SRBD1: variants seen among roughly 807,000 people sequenced by gnomAD.
SRBD1 encodes the protein S1 RNA binding domain 1.
SRBD1 carries 88 observed loss-of-function variants against 115.3 expected under a neutral mutation model. That is an observed-to-expected ratio of 0.76 (90% CI 0.64 to 0.91). The LOEUF (loss-of-function observed/expected upper bound fraction) is 0.91. Among genes scored for constraint, SRBD1 ranks in the 40% least tolerant of loss-of-function variants. The pLI, the probability that SRBD1 is intolerant of heterozygous loss-of-function variation, is 0.00. For missense variants in SRBD1, 1,385 were observed against 1,177.4 expected, an observed-to-expected ratio of 1.18 and a Z score of -2.58; for synonymous variants, 509 against 407.7, an observed-to-expected ratio of 1.25 and a Z score of -2.99.
intron 14 of SRBD1, among the ~76,000 whole-genome samples, chr2:45,525,598 A>G (rs1558454559): frequency 6.6e-6 from 1 of 152,054 alleles, no homozygotes; most frequent in Non-Finnish European, 1.5e-5. Flanking sequence ...TGTTCTTACT[A>G]TAAAAATATG....
intron 1 of SRBD1, among the ~76,000 whole-genome samples, chr2:45,607,624 T>G (rs1414426307): frequency 6.6e-6 from 1 of 151,738 alleles, no homozygotes; most frequent in East Asian, 1.9e-4. Context: ...CCTGCAGTAT[T>G]CTAAAAAAAA....
intron 14 of SRBD1, among the ~76,000 whole-genome samples, chr2:45,516,820 T>A (rs1230700618): frequency 6.6e-6 from 1 of 152,176 alleles, no homozygotes; most frequent in Non-Finnish European, 1.5e-5. Flanking sequence ...TTTGTTAATA[T>A]AAATAAAAGA....
intron 15 of SRBD1, among the ~76,000 whole-genome samples, chr2:45,487,721 C>T (rs1343409737): frequency 1.3e-5 from 2 of 152,142 alleles, no homozygotes; most frequent in Non-Finnish European, 2.9e-5. Flanking sequence ...GTGGCACAAT[C>T]TTGGCTCACT....
At chr2:45,392,848 T>A (rs3731945) in intron 20 of SRBD1, 97 bp downstream of exon 20, 51,132 of 1,075,734 alleles carry the variant, frequency 0.048, 2,109 homozygotes, top group East Asian at 0.16. Context: ...GAGAATAATA[T>A]CCATTCTGCT....
chr2:45,429,566 C>T (rs1668267734), intron 16 of SRBD1, among the ~76,000 whole-genome samples: 1 of 152,088 alleles, frequency 6.6e-6, no homozygotes, highest in South Asian at 2.1e-4. Context: ...TCAATAGATG[C>T]AGAAAAGGCC....
At chr2:45,435,560 G>GAA (rs1260597545) in intron 16 of SRBD1, among the ~76,000 whole-genome samples, 1 of 75,088 alleles carries the variant, frequency 1.3e-5, no homozygotes, top group East Asian at 3.0e-4. Flanking sequence ...AAGGCCAGGG[G>GAA]AAAAAAAAAA....
chr2:45,594,186 G>A (rs1415602366), intron 4 of SRBD1, among the ~76,000 whole-genome samples: 1 of 152,094 alleles, frequency 6.6e-6, no homozygotes. Flanking sequence ...CAGAAATGTT[G>A]ACCACTTTTT....
intron 2 of SRBD1, among the ~76,000 whole-genome samples, chr2:45,602,496 T>C (rs1004091594): frequency 6.6e-6 from 1 of 152,206 alleles, no homozygotes; most frequent in Non-Finnish European, 1.5e-5. Flanking sequence ...TTAAATTGTA[T>C]TAAGTTATTC....
chr2:45,413,176 T>C lies in SRBD1; in HGVS notation c.2451A>G (p.Leu817=). The C allele has an allele frequency of 6.2e-7, 1 of 1,614,156 alleles. No homozygotes were observed. The highest frequency in any genetic ancestry group is 1.1e-5 in the South Asian group (1 of 91,084). ...TTTGGTCCAAAGGATTTGGCTTCAG[T>C]AAAACATTCACTGCAGTTTTGCTCT... ...KKKSKTAVNV[L]LKPNPLDQTC... is the part of the protein sequence containing the mutation. The change falls in exon 19 of 21, where the codon TTA becomes TTG. Residue 817 remains leucine, a synonymous_variant. Transcript: ENST00000263736.
At chr2:45,468,987 G>C (rs769067144) in intron 16 of SRBD1, among the ~76,000 whole-genome samples, 57 of 152,206 alleles carry the variant, frequency 3.7e-4, no homozygotes, top group Non-Finnish European at 6.6e-4. Context: ...TTTTTTCATA[G>C]CTTTATTATT....
intron 5 of SRBD1, among the ~76,000 whole-genome samples, chr2:45,584,754 A>G (rs1207073769): frequency 6.6e-6 from 1 of 152,222 alleles, no homozygotes; most frequent in Non-Finnish European, 1.5e-5. Context: ...CTCAGTTATT[A>G]GCAGTGAGTC....
At chr2:45,563,213 A>C (rs1044688857) in intron 9 of SRBD1, among the ~76,000 whole-genome samples, 8 of 152,136 alleles carry the variant, frequency 5.3e-5, no homozygotes, top group Non-Finnish European at 1.2e-4. Flanking sequence ...CTTTAAATAT[A>C]TTATCTCAAG....
intron 12 of SRBD1, among the ~76,000 whole-genome samples, chr2:45,549,766 G>A (rs1672239181): frequency 6.6e-6 from 1 of 151,458 alleles, no homozygotes; most frequent in African/African-American, 2.4e-5. Context: ...GGGAGGCTGA[G>A]GTGGGAGGAT....
At chr2:45,423,917 A>C (rs1258569327) in intron 16 of SRBD1, among the ~76,000 whole-genome samples, 1 of 152,084 alleles carries the variant, frequency 6.6e-6, no homozygotes, top group Non-Finnish European at 1.5e-5. Flanking sequence ...TTTTAAAACA[A>C]TCTCTCTTGA....
At chr2:45,427,331 G>C (rs1047380504) in intron 16 of SRBD1, among the ~76,000 whole-genome samples, 1 of 152,134 alleles carries the variant, frequency 6.6e-6, no homozygotes, top group African/African-American at 2.4e-5. Context: ...ACACAGACTG[G>C]CAAATTGGAT....
At chr2:45,427,935 G>A (rs1668208121) in intron 16 of SRBD1, among the ~76,000 whole-genome samples, 1 of 152,192 alleles carries the variant, frequency 6.6e-6, no homozygotes, top group African/African-American at 2.4e-5. Context: ...ATATCAGACA[G>A]ATGAATGAGA....
chr2:45,551,491 T>G (rs1006500471), intron 11 of SRBD1, among the ~76,000 whole-genome samples: 9 of 152,210 alleles, frequency 5.9e-5, no homozygotes, highest in African/African-American at 2.2e-4. Flanking sequence ...GCAAGTCTTG[T>G]AAGTTTATCA....
chr2:45,428,091 T>C (rs935101459), intron 16 of SRBD1, among the ~76,000 whole-genome samples: 1 of 152,148 alleles, frequency 6.6e-6, no homozygotes, highest in Non-Finnish European at 1.5e-5. Flanking sequence ...ATTGACCACA[T>C]AGTTGGAAGT....
At chr2:45,532,041 C>T (rs1257959472) in intron 14 of SRBD1, among the ~76,000 whole-genome samples, 1 of 148,604 alleles carries the variant, frequency 6.7e-6, no homozygotes, top group Admixed American at 6.7e-5. Context: ...GTATTAAAGA[C>T]TCTCCAACCC....
Sources: gnomAD v4.1 joint callset for allele counts (sites outside exome capture counted in the v4.1 genomes callset) on GRCh38, gnomAD v4.1.1 for gene constraint, MANE v1.5 for transcripts, NCBI Gene and HGNC (gene_info 2026-07-23, HGNC 2026-07-21) for gene names.